The following KCNMA1 variants were observed in gnomAD, a reference collection of about 807,000 sequenced individuals.
The protein encoded by KCNMA1 is Calcium-activated potassium channel subunit alpha-1.
KCNMA1 carries 29 observed loss-of-function variants against 140.0 expected under a neutral mutation model. The observed-to-expected ratio is 0.21, with a 90% CI of 0.15 to 0.28. KCNMA1 has a LOEUF of 0.28. KCNMA1 is among the 10% of genes least tolerant of loss of function. The probability of loss-of-function intolerance (pLI) is 1.00; values close to 1 mark genes in which losing one functional copy is unlikely to be tolerated. For synonymous variants in KCNMA1, 612 were observed against 611.9 expected, an observed-to-expected ratio of 1.00 and a Z score of 0.00; for missense variants, 880 against 1,602.2, an observed-to-expected ratio of 0.55 and a Z score of 7.70.
At chr10:77,570,529 T>C (rs1401085865) in intron 1 of KCNMA1, among the ~76,000 whole-genome samples, 5 of 141,830 alleles carry the variant, frequency 3.5e-5, no homozygotes, top group East Asian at 4.2e-4. Flanking sequence ...CAGGTGGGAA[T>C]TGAACAATGA....
intron 25 of KCNMA1, among the ~76,000 whole-genome samples, chr10:76,897,452 G>C (rs1333072504): frequency 1.3e-5 from 2 of 151,672 alleles, no homozygotes; most frequent in African/African-American, 4.8e-5. Context: ...AAATGTAAGA[G>C]GAATGTCAAA....
intron 2 of KCNMA1, among the ~76,000 whole-genome samples, chr10:77,318,499 A>G (rs1424424230): frequency 6.6e-6 from 1 of 152,142 alleles, no homozygotes; most frequent in African/African-American, 2.4e-5. Context: ...CCACTTGTAG[A>G]AGGCGGTTCA....
intron 1 of KCNMA1, among the ~76,000 whole-genome samples, chr10:77,573,653 GAATAGAATAGAATAGAATAGAATAGAATA>G (rs2072793349): frequency 2.4e-5 from 1 of 41,614 alleles, no homozygotes; most frequent in Admixed American, 2.8e-4. Context: ...GAATAGAATA[GAATAGAATAGAATAGAATAGAATAGAATA>G]GAATAGAATA....
chr10:77,432,597 G>A (rs1460207883), intron 1 of KCNMA1, among the ~76,000 whole-genome samples: 2 of 152,158 alleles, frequency 1.3e-5, no homozygotes, highest in Non-Finnish European at 2.9e-5. Flanking sequence ...CCATGAAAGG[G>A]AAAGGCCAGA....
chr10:76,878,248 G>T (rs1426329048), intron 29 of KCNMA1, among the ~76,000 whole-genome samples: 1 of 152,152 alleles, frequency 6.6e-6, no homozygotes, highest in Non-Finnish European at 1.5e-5. Context: ...ATCAGCCATT[G>T]GGTACAGACA....
At chr10:77,097,219 C>T (rs559357596) in intron 9 of KCNMA1, among the ~76,000 whole-genome samples, 97 of 152,238 alleles carry the variant, frequency 6.4e-4, no homozygotes, top group African/African-American at 2.2e-3. Flanking sequence ...TGTTTCCCAG[C>T]GCTTCCCTTG....
intron 14 of KCNMA1, among the ~76,000 whole-genome samples, chr10:77,039,883 C>CTTTTTTTTTTTT (rs34943268): frequency 1.1e-4 from 9 of 78,980 alleles, no homozygotes; most frequent in Non-Finnish European, 1.5e-4. Flanking sequence ...TTTTCTTTTT[C>CTTTTTTTTTTTT]TTTTTTTTTT....
At chr10:77,039,919 T>G (rs1359033611) in intron 14 of KCNMA1, among the ~76,000 whole-genome samples, 1 of 135,204 alleles carries the variant, frequency 7.4e-6, no homozygotes, top group Non-Finnish European at 1.6e-5. Context: ...GACAGGGTCT[T>G]ACTGTTGCCT....
At chr10:77,334,118 A>G (rs773884997) in intron 2 of KCNMA1, among the ~76,000 whole-genome samples, 6 of 152,118 alleles carry the variant, frequency 3.9e-5, no homozygotes, top group Admixed American at 1.3e-4. Flanking sequence ...TTATTATACT[A>G]TCGGACATGT....
At chr10:76,949,859 C>G (rs918611107) in intron 21 of KCNMA1, among the ~76,000 whole-genome samples, 1 of 152,122 alleles carries the variant, frequency 6.6e-6, no homozygotes, top group African/African-American at 2.4e-5. Flanking sequence ...CTAGACTTAT[C>G]AGTGAGATGT....
chr10:77,033,423 T>G (rs1293892534), intron 15 of KCNMA1, among the ~76,000 whole-genome samples: 1 of 151,836 alleles, frequency 6.6e-6, no homozygotes, highest in Non-Finnish European at 1.5e-5. Flanking sequence ...CACTCTCTTA[T>G]TCTCTCCTTC....
chr10:77,573,111 T>C (rs1054727283), intron 1 of KCNMA1, among the ~76,000 whole-genome samples: 9 of 152,142 alleles, frequency 5.9e-5, no homozygotes, highest in Admixed American at 5.2e-4. Context: ...TAGAACTGGA[T>C]ACATAAGTCA....
intron 5 of KCNMA1, among the ~76,000 whole-genome samples, chr10:77,149,419 T>G (rs955395238): frequency 6.6e-6 from 1 of 152,226 alleles, no homozygotes; most frequent in African/African-American, 2.4e-5. Context: ...TTCAACATTT[T>G]TTTCCTATAA....
intron 2 of KCNMA1, among the ~76,000 whole-genome samples, chr10:77,325,515 G>A (rs568311359): frequency 4.2e-4 from 64 of 152,266 alleles, no homozygotes; most frequent in African/African-American, 1.3e-3. Flanking sequence ...CATGTTCTCC[G>A]TGTACTTACT....
chr10:76,990,973 C>A (rs1043899319), intron 19 of KCNMA1, among the ~76,000 whole-genome samples: 1 of 152,170 alleles, frequency 6.6e-6, no homozygotes, highest in African/African-American at 2.4e-5. Context: ...TTTTGGATAC[C>A]TCCACGCGGG....
intron 3 of KCNMA1, among the ~76,000 whole-genome samples, chr10:77,221,163 G>A (rs2049521418): frequency 6.6e-6 from 1 of 152,106 alleles, no homozygotes; most frequent in Non-Finnish European, 1.5e-5. Flanking sequence ...ATTTCTTCAT[G>A]TCTTCCATCC....
intron 2 of KCNMA1, among the ~76,000 whole-genome samples, chr10:77,383,380 G>C (rs1422545650): frequency 6.6e-6 from 1 of 150,488 alleles, no homozygotes; most frequent in Non-Finnish European, 1.5e-5. Context: ...TGCTGAAGAA[G>C]AGGCCTGGAG....
intron 1 of KCNMA1, among the ~76,000 whole-genome samples, chr10:77,557,451 T>C (rs77137084): frequency 2.6e-5 from 4 of 152,172 alleles, no homozygotes; most frequent in African/African-American, 9.7e-5. Flanking sequence ...GAGACAAGCA[T>C]GTAGTTCAAC....
intron 1 of KCNMA1, among the ~76,000 whole-genome samples, chr10:77,589,080 A>C (rs1828902442): frequency 6.6e-6 from 1 of 152,240 alleles, no homozygotes; most frequent in Non-Finnish European, 1.5e-5. Flanking sequence ...CTGTGTTCCA[A>C]TAAAACTTTA....
Sources: gnomAD v4.1 joint callset for allele counts (sites outside exome capture counted in the v4.1 genomes callset) on GRCh38, gnomAD v4.1.1 for gene constraint, MANE v1.5 for transcripts, NCBI Gene and HGNC (gene_info 2026-07-23, HGNC 2026-07-21) for gene names.